KIF26B: variants seen among roughly 807,000 people sequenced by gnomAD.
The protein encoded by KIF26B is kinesin-like protein KIF26B.
In KIF26B, 63 loss-of-function variants were observed where a neutral mutation model predicts 151.2. That is an observed-to-expected ratio of 0.42 (90% CI 0.34 to 0.51). KIF26B has a LOEUF of 0.51. Among genes scored for constraint, KIF26B ranks in the 20% least tolerant of loss-of-function variants. KIF26B has a pLI of 0.07. For synonymous variants in KIF26B, 1,357 were observed against 1,262.1 expected (o/e 1.08, Z -1.59); for missense variants, 2,813 against 2,913.6 (o/e 0.97, Z 0.79).
intron 3 of KIF26B, chr1:245,371,512 C>T (rs925649666): frequency 3.3e-5 from 5 of 152,084 alleles, no homozygotes; most frequent in South Asian, 2.1e-4. Flanking sequence ...TCCACACCCG[C>T]GGGACCCGAG....
chr1:245,673,352 G>A (rs2044317839), intron 10 of KIF26B, among the ~76,000 whole-genome samples: 1 of 110,402 alleles, frequency 9.1e-6, no homozygotes, highest in African/African-American at 3.8e-5. Flanking sequence ...CCCGCTGCGC[G>A]CTGCCATCTT....
chr1:245,472,310 A>T (rs1249932175), intron 4 of KIF26B, among the ~76,000 whole-genome samples: 1 of 152,190 alleles, frequency 6.6e-6, no homozygotes, highest in Non-Finnish European at 1.5e-5. Context: ...GGATGTATTC[A>T]TTGGCCTGCT....
At chr1:245,379,900 G>A (rs1246212016) in intron 3 of KIF26B, among the ~76,000 whole-genome samples, 9 of 151,490 alleles carry the variant, frequency 5.9e-5, no homozygotes, top group African/African-American at 2.2e-4. Flanking sequence ...GAACCCGGGC[G>A]GCAGAGGTTG....
At chr1:245,469,987 CAG>C (rs1022335816) in intron 4 of KIF26B, among the ~76,000 whole-genome samples, 11 of 151,224 alleles carry the variant, frequency 7.3e-5, no homozygotes, top group Non-Finnish European at 1.5e-4. Context: ...CACAGTAGAT[CAG>C]AGTTGGTTGG....
At chr1:245,169,327 T>TGGTGTGTGGGGG (rs1553330288) in intron 2 of KIF26B, among the ~76,000 whole-genome samples, 1 of 135,472 alleles carries the variant, frequency 7.4e-6, no homozygotes, top group Admixed American at 7.7e-5. Flanking sequence ...TAACGGGCCA[T>TGGTGTGTGGGGG]GGTGTGTGTG....
chr1:245,368,030 T>A (rs1673005106), intron 3 of KIF26B, among the ~76,000 whole-genome samples: 2 of 152,162 alleles, frequency 1.3e-5, no homozygotes, highest in African/African-American at 4.8e-5. Flanking sequence ...TGCTGGACAT[T>A]GCTGAGAATA....
intron 5 of KIF26B, among the ~76,000 whole-genome samples, chr1:245,556,345 CCCT>C (rs144022529): frequency 0.063 from 8,156 of 128,800 alleles, 422 homozygotes; most frequent in Non-Finnish European, 0.098. Context: ...CCTCCTTCCT[CCCT>C]CCTCCTCCTC....
intron 5 of KIF26B, among the ~76,000 whole-genome samples, chr1:245,555,023 C>T (rs745954887): frequency 5.3e-5 from 8 of 152,134 alleles, no homozygotes; most frequent in Non-Finnish European, 8.8e-5. Flanking sequence ...CCTTCCAGGC[C>T]GTGCTCTTCC....
At chr1:245,422,221 G>T (rs1658507271) in intron 4 of KIF26B, among the ~76,000 whole-genome samples, 1 of 152,104 alleles carries the variant, frequency 6.6e-6, no homozygotes, top group African/African-American at 2.4e-5. Context: ...TATTCAAAGG[G>T]TTTACAATGT....
chr1:245,644,680 T>C (rs1458930469), intron 9 of KIF26B, among the ~76,000 whole-genome samples: 1 of 152,204 alleles, frequency 6.6e-6, no homozygotes, highest in Non-Finnish European at 1.5e-5. Context: ...GCCCTGTGAA[T>C]TGTGAAGTTT....
chr1:245,517,247 A>G (rs1196673826), intron 4 of KIF26B, among the ~76,000 whole-genome samples: 1 of 152,056 alleles, frequency 6.6e-6, no homozygotes, highest in East Asian at 1.9e-4. Flanking sequence ...AGCTAGAGGC[A>G]GGGAGGCTGA....
chr1:245,302,268 A>C (rs1403402478), intron 2 of KIF26B, among the ~76,000 whole-genome samples: 1 of 152,212 alleles, frequency 6.6e-6, no homozygotes, highest in African/African-American at 2.4e-5. Context: ...GAAAAATCTA[A>C]TATATATTTA....
chr1:245,437,152 G>T (rs1361165884), intron 4 of KIF26B, among the ~76,000 whole-genome samples: 1 of 152,196 alleles, frequency 6.6e-6, no homozygotes, highest in African/African-American at 2.4e-5. Flanking sequence ...CTCCCAAAGT[G>T]CTGGGATTAC....
At chr1:245,341,956 G>A (rs536934665) in intron 2 of KIF26B, among the ~76,000 whole-genome samples, 3 of 152,314 alleles carry the variant, frequency 2.0e-5, no homozygotes, top group Non-Finnish European at 2.9e-5. Context: ...TCACAGGGAT[G>A]TTGATTTTCT....
intron 4 of KIF26B, among the ~76,000 whole-genome samples, chr1:245,525,633 A>G (rs1182113422): frequency 6.6e-6 from 1 of 152,256 alleles, no homozygotes; most frequent in African/African-American, 2.4e-5. Flanking sequence ...TTGATTGATT[A>G]TATAACATGA....
intron 2 of KIF26B, among the ~76,000 whole-genome samples, chr1:245,179,758 G>A (rs1240315020): frequency 6.6e-6 from 1 of 152,182 alleles, no homozygotes; most frequent in Non-Finnish European, 1.5e-5. Flanking sequence ...GGTAGAATTC[G>A]GGTAATCCAG....
Position 245,688,671 on chromosome 1 carries a change from C to T in KIF26B, c.5688C>T (p.Ser1896=), listed in dbSNP as rs760476668. 1.9e-6 allele frequency: 3 copies of T among 1,603,970 alleles called. No homozygotes were observed. Among genetic ancestry groups the T allele is most frequent in the East Asian group, 2.3e-5 (1 of 44,372 alleles). The change falls in exon 12 of 15, where the codon AGC becomes AGT. Residue 1896 remains serine (S), a synonymous_variant. Transcript: ENST00000407071. ...TALFYHSGGS[S]GYESVMRDSE... ...TGTTCTACCACAGCGGCGGCAGCAG[C>T]GGCTACGAGAGCGTGATGCGGGACA...
chr1:245,265,071 T>A (rs182617891), intron 2 of KIF26B, among the ~76,000 whole-genome samples: 2 of 149,520 alleles, frequency 1.3e-5, no homozygotes, highest in African/African-American at 2.5e-5. Flanking sequence ...GCGTGGTGGC[T>A]GGCGCCTGTA....
intron 2 of KIF26B, among the ~76,000 whole-genome samples, chr1:245,286,925 T>C (rs1225385204): frequency 1.3e-5 from 2 of 152,144 alleles, no homozygotes; most frequent in Non-Finnish European, 2.9e-5. Flanking sequence ...TTGGCCAACA[T>C]GGTGAAACCC....
Sources: allele counts gnomAD v4.1 joint callset (sites outside exome capture counted in the v4.1 genomes callset), GRCh38; gene constraint gnomAD v4.1.1; transcripts MANE v1.5; gene names NCBI Gene and HGNC (gene_info 2026-07-23, HGNC 2026-07-21).